Variants in CFAP54 observed in about 807,000 individuals in gnomAD.
CFAP54 encodes the protein cilia and flagella associated protein 54, also known as cilia- and flagella-associated protein 54.
A neutral mutation model predicts 370.4 loss-of-function variants in CFAP54; 290 were observed. The observed-to-expected ratio is 0.78, with a 90% CI of 0.71 to 0.86. The LOEUF is 0.86. Among genes scored for constraint, CFAP54 ranks in the 40% least tolerant of loss-of-function variants. CFAP54 has a pLI of 0.00. For missense variants in CFAP54, 3,399 were observed against 3,528.7 expected, an observed-to-expected ratio of 0.96 and a Z score of 0.93; for synonymous variants, 1,206 against 1,236.5, an observed-to-expected ratio of 0.98 and a Z score of 0.52.
rs578101501 is a variant in CFAP54, at chr12:96,860,236, T to G, written c.9172-583T>G. ...AGTATATACCTAGATTGGCATGAAG[T>G]GGGTCCCCAGCAAACATTTGTTTTC... On this transcript the variant is annotated intron_variant, in intron 66 of 67. Coordinates refer to ENST00000524981, the MANE Select transcript of CFAP54 (RefSeq NM_001306084.2). 4.8e-4 allele frequency among the ~76,000 whole-genome samples: 73 copies of G among 150,744 alleles called. No homozygotes were observed. In the Middle Eastern group the frequency reaches 0.014, roughly 28 times the overall value.
At chr12:96,542,759 A>T (rs1955590623) in intron 14 of CFAP54, among the ~76,000 whole-genome samples, 1 of 152,198 alleles carries the variant, frequency 6.6e-6, no homozygotes, top group South Asian at 2.1e-4. Flanking sequence ...AATAATTCCG[A>T]TGTCCCTGAT....
At chr12:96,522,876 CAT>C (rs1357625330) in intron 8 of CFAP54, among the ~76,000 whole-genome samples, 2 of 152,168 alleles carry the variant, frequency 1.3e-5, no homozygotes, top group Non-Finnish European at 2.9e-5. Flanking sequence ...GTTCTTCTCA[CAT>C]GTCATAACCA....
chr12:96,832,310 G>T (rs1469109083), intron 66 of CFAP54, among the ~76,000 whole-genome samples: 2 of 150,592 alleles, frequency 1.3e-5, no homozygotes, highest in African/African-American at 2.4e-5. Flanking sequence ...TTATAAAAAA[G>T]AATTTGTTAT....
chr12:96,710,990 A>G (rs961135108), intron 48 of CFAP54, among the ~76,000 whole-genome samples: 1 of 151,970 alleles, frequency 6.6e-6, no homozygotes, highest in African/African-American at 2.4e-5. Flanking sequence ...ATTGATATTA[A>G]CTCTTCTTTA....
chr12:96,626,748 G>A, intron 29 of CFAP54, 65 bp from the exon 30 acceptor site: 3 of 956,228 alleles, frequency 3.1e-6, no homozygotes, highest in Non-Finnish European at 4.2e-6. Flanking sequence ...GCTAGCACTG[G>A]CAACCCTTTG....
chr12:96,644,224 G>C lies in CFAP54; in HGVS notation c.4363G>C (p.Asp1455His). 11 of 1,535,912 alleles carry C rather than the reference G, an allele frequency of 7.2e-6. No individual in the cohort carries two copies. Among genetic ancestry groups the C allele is most frequent in the Non-Finnish European group, 9.6e-6 (11 of 1,146,756 alleles). ...GAAAGCAGCACAACGATACCTGATG[G>C]ATTACTTGAATCCTCTAATATTAAG... ...VRKAAQRYLM[D>H]YLNPLILSYV... The change falls in exon 33 of 68, where the codon GAT (aspartate) becomes CAT (histidine). Residue 1455 changes from aspartate (D) to histidine (H), a missense_variant. Asp to His is a moderately conservative substitution (Grantham distance 81). Around this residue, in one of 3 missense-constraint regions of CFAP54, gnomAD observed 2,796 missense variants for 2,869.7 expected, o/e 0.97. Coordinates refer to ENST00000524981, the MANE Select transcript of CFAP54 (RefSeq NM_001306084.2).
chr12:96,869,933 CAAAAAAAAAAAA>C (rs760992300), intron 67 of CFAP54, among the ~76,000 whole-genome samples: 7 of 36,860 alleles, frequency 1.9e-4, no homozygotes, highest in Admixed American at 1.5e-3. Flanking sequence ...AAAACTCCGT[CAAAAAAAAAAAA>C]AAAAAAAAAA....
At chr12:96,571,639 AT>A (rs1158771053) in intron 19 of CFAP54, among the ~76,000 whole-genome samples, 2 of 152,190 alleles carry the variant, frequency 1.3e-5, no homozygotes, top group African/African-American at 4.8e-5. Context: ...GAGCACTGCT[AT>A]TATAGACAAC....
intron 38 of CFAP54, among the ~76,000 whole-genome samples, chr12:96,661,976 G>A (rs1318524261): frequency 6.6e-6 from 1 of 152,106 alleles, no homozygotes; most frequent in East Asian, 1.9e-4. Context: ...AGACATCCCT[G>A]CCTCCTCTCT....
chr12:96,669,634 A>G (rs982264599), intron 39 of CFAP54, among the ~76,000 whole-genome samples: 1 of 152,210 alleles, frequency 6.6e-6, no homozygotes, highest in Admixed American at 6.5e-5. Context: ...TTGGGTAGCC[A>G]GATGGATGAT....
At chr12:96,678,537 C>G (rs1458995882) in intron 39 of CFAP54, among the ~76,000 whole-genome samples, 2 of 152,192 alleles carry the variant, frequency 1.3e-5, no homozygotes, top group African/African-American at 2.4e-5. Context: ...CAGGTGTGAG[C>G]TGCCTCACCC....
chr12:96,795,384 A>G (rs1475362668), intron 63 of CFAP54, among the ~76,000 whole-genome samples: 4 of 152,172 alleles, frequency 2.6e-5, no homozygotes, highest in African/African-American at 9.7e-5. Flanking sequence ...CCAGAGTGGT[A>G]TAGAAAAACA....
intron 32 of CFAP54, among the ~76,000 whole-genome samples, chr12:96,637,145 T>C (rs1472117603): frequency 6.6e-6 from 1 of 152,252 alleles, no homozygotes; most frequent in Non-Finnish European, 1.5e-5. Flanking sequence ...TGTGTAATCA[T>C]ATAATATGTG....
At chr12:96,807,135 A>C (rs759420663) in intron 63 of CFAP54, among the ~76,000 whole-genome samples, 2 of 152,148 alleles carry the variant, frequency 1.3e-5, no homozygotes, top group Non-Finnish European at 2.9e-5. Context: ...ACCCAAGGCA[A>C]AGTTCAGAAC....
At chr12:96,872,611 G>C (rs1206464291) in intron 67 of CFAP54, among the ~76,000 whole-genome samples, 2 of 152,198 alleles carry the variant, frequency 1.3e-5, no homozygotes, top group African/African-American at 4.8e-5. Flanking sequence ...AGTTCTAAAT[G>C]TGTTTCCATT....
At position 96,657,903 on chromosome 12, in the gene CFAP54, T is replaced by G. The variant is rs754753661; in HGVS notation, c.5122T>G (p.Phe1708Val). Residue 1708 changes from phenylalanine (F) to valine (V), a missense_variant, in exon 37 of 68, where the codon TTC becomes GTC. By Grantham distance (50) the Phe-to-Val change is conservative (BLOSUM62 -1). This residue lies in a region of CFAP54 where 2,796 missense variants were observed against 2,869.7 expected (regional missense o/e 0.97). Coordinates refer to ENST00000524981, the MANE Select transcript of CFAP54 (RefSeq NM_001306084.2). ...SIKPIEDKGEFSVPSCYGNIK... is the reference protein window; with the variant it reads ...SIKPIEDKGEVSVPSCYGNIK... The stretch of plus-strand genomic sequence containing the variant: ...GCAGCCTATTGAAGACAAAGGAGAA[T>G]TCAGTGTTCCAAGCTGTTATGGGAA... The G allele has an allele frequency of 6.2e-7, 1 of 1,612,468 alleles. No homozygotes were observed. Among genetic ancestry groups the G allele is most frequent in the South Asian group, 1.1e-5 (1 of 90,650 alleles).
At chr12:96,551,183 G>C (rs1190774650) in intron 15 of CFAP54, among the ~76,000 whole-genome samples, 1 of 143,296 alleles carries the variant, frequency 7.0e-6, no homozygotes, top group African/African-American at 2.6e-5. Context: ...GCCTGAGCCC[G>C]GGAAATCAAG....
At chr12:96,718,094 C>T (rs1285882315) in intron 48 of CFAP54, among the ~76,000 whole-genome samples, 1 of 152,176 alleles carries the variant, frequency 6.6e-6, no homozygotes, top group Non-Finnish European at 1.5e-5. Context: ...TGCAGTGGCT[C>T]ATGCCTATAA....
Position 96,489,777 on chromosome 12 carries a change from G to C in CFAP54, c.168G>C (p.Leu56Phe). The part of the protein sequence containing the change: ...LLQWTCPEDS[L>F]PLAVFYGPLD... ...AGTGGACCTGCCCCGAGGACTCATT[G>C]CCCCTAGCCGTGTTTTATGGGCCGC... Residue 56 changes from leucine (L) to phenylalanine (F), a missense_variant, in exon 1 of 68, where the codon TTG (leucine) becomes TTC (phenylalanine). Leu to Phe is a conservative substitution (Grantham distance 22). Around this residue, in one of 3 missense-constraint regions of CFAP54, gnomAD observed 559 missense variants for 576.7 expected, o/e 0.97. Transcript: ENST00000524981. 1.3e-6 allele frequency: 2 copies of C among 1,536,130 alleles called. No homozygotes were observed. The highest frequency in any genetic ancestry group is 1.7e-6 in the Non-Finnish European group (2 of 1,146,916).
Sources: gnomAD v4.1 joint callset for allele counts (sites outside exome capture counted in the v4.1 genomes callset) on GRCh38, gnomAD v4.1.1 for gene constraint, gnomAD v4.1.1 regional missense constraint, MANE v1.5 for transcripts, NCBI Gene and HGNC (gene_info 2026-07-23, HGNC 2026-07-21) for gene names.